The following NR3C2 variants were observed in gnomAD, a reference collection of about 807,000 sequenced individuals.
NR3C2 encodes the protein nuclear receptor subfamily 3 group C member 2.
A neutral mutation model predicts 86.4 loss-of-function variants in NR3C2; 15 were observed. The observed-to-expected ratio is 0.17, with a 90% CI of 0.12 to 0.27. The LOEUF is 0.27. NR3C2 is among the 10% of genes least tolerant of loss of function. The pLI is 1.00. For synonymous variants in NR3C2, 458 were observed against 450.5 expected (o/e 1.02, Z -0.21); for missense variants, 960 against 1,195.6 (o/e 0.80, Z 2.91).
chr4:148,287,702 G>A (rs1741592952), intron 2 of NR3C2, among the ~76,000 whole-genome samples: 1 of 152,038 alleles, frequency 6.6e-6, no homozygotes, highest in Non-Finnish European at 1.5e-5. Flanking sequence ...AGTTCTAGTA[G>A]GAAATATGTC....
intron 3 of NR3C2, among the ~76,000 whole-genome samples, chr4:148,215,931 C>G (rs765674371): frequency 6.6e-6 from 1 of 151,982 alleles, no homozygotes; most frequent in Non-Finnish European, 1.5e-5. Context: ...AGGCGCCCAC[C>G]ACCACGCCTA....
chr4:148,201,794 A>T (rs1260419603), intron 3 of NR3C2, among the ~76,000 whole-genome samples: 1 of 151,756 alleles, frequency 6.6e-6, no homozygotes, highest in African/African-American at 2.4e-5. Flanking sequence ...AGATCCATAT[A>T]CCCCCTTCAA....
rs752214825 is a variant in NR3C2, at chr4:148,080,905, A to G, written c.*439T>C. The G allele has an allele frequency of 2.9e-6, 1 of 348,534 alleles. No homozygotes were observed. The highest frequency in any genetic ancestry group is 7.7e-5 in the East Asian group (1 of 12,972). 21.6% of individuals were successfully genotyped at this position (348,534 alleles called of 1,614,324 possible). A position where few individuals can be genotyped will look rare whatever the true frequency, so the allele number is the denominator to read the frequency against. On this transcript the variant is annotated 3_prime_UTR_variant, in exon 9 of 9. Transcript: ENST00000358102. Reference sequence around the variant, plus strand: ...TTTTGTGTTTTTTTAATAACAAAAGAATATTAATGCCCCATATTGACTATA... The same window carrying G: ...TTTTGTGTTTTTTTAATAACAAAAGGATATTAATGCCCCATATTGACTATA...
chr4:148,098,298 T>C (rs1306467478), intron 8 of NR3C2, among the ~76,000 whole-genome samples: 1 of 152,218 alleles, frequency 6.6e-6, no homozygotes, highest in East Asian at 1.9e-4. Context: ...TTCCCTAACA[T>C]TGAACTCATG....
intron 8 of NR3C2, among the ~76,000 whole-genome samples, chr4:148,100,030 A>G (rs1731464659): frequency 6.6e-6 from 1 of 152,240 alleles, no homozygotes; most frequent in Non-Finnish European, 1.5e-5. Context: ...TTACTTGCTT[A>G]TAAGTCTTCA....
intron 2 of NR3C2, among the ~76,000 whole-genome samples, chr4:148,278,740 CTTAATT>C (rs1183243005): frequency 1.3e-5 from 2 of 152,084 alleles, no homozygotes; most frequent in Admixed American, 1.3e-4. Context: ...GTACTAGATT[CTTAATT>C]TTAAAACACA....
intron 3 of NR3C2, among the ~76,000 whole-genome samples, chr4:148,226,293 A>G (rs1738158526): frequency 1.3e-5 from 2 of 152,160 alleles, no homozygotes; most frequent in Admixed American, 6.5e-5. Flanking sequence ...GCCCACCACT[A>G]GGAAACTACT....
intron 6 of NR3C2, among the ~76,000 whole-genome samples, chr4:148,140,087 G>A (rs918566181): frequency 6.6e-6 from 1 of 152,170 alleles, no homozygotes; most frequent in Non-Finnish European, 1.5e-5. Context: ...CTGTGTCAAG[G>A]GGGGAGTCTG....
chr4:148,214,447 T>C (rs2149819852), intron 3 of NR3C2, among the ~76,000 whole-genome samples: 1 of 152,250 alleles, frequency 6.6e-6, no homozygotes, highest in Non-Finnish European at 1.5e-5. Context: ...CTTTTCAACC[T>C]AAAAACAAAA....
chr4:148,286,147 A>G (rs1303623771), intron 2 of NR3C2, among the ~76,000 whole-genome samples: 2 of 152,216 alleles, frequency 1.3e-5, no homozygotes, highest in Non-Finnish European at 2.9e-5. Flanking sequence ...TGTGTGGCAC[A>G]AATCATTTTG....
In NR3C2 at chr4:148,328,501, C is replaced by T. The variant is rs192211270; in HGVS notation, c.1758-68384G>A. ...CCTTGGTCTTCCCCTGCCAAAGAAACAGAAATGGTAACCAACTCAGGTTGG... is the reference window on the plus strand; with the variant it reads ...CCTTGGTCTTCCCCTGCCAAAGAAATAGAAATGGTAACCAACTCAGGTTGG... On this transcript the variant is annotated intron_variant, in intron 2 of 8. Transcript: ENST00000358102. Among the ~76,000 whole-genome samples, 149 of 152,266 alleles carry T rather than the reference C, an allele frequency of 9.8e-4. 1 individual carries two copies. The highest frequency in any genetic ancestry group is 3.3e-3 in the African/African-American group (136 of 41,556).
chr4:148,098,605 C>G (rs778544085), intron 8 of NR3C2, among the ~76,000 whole-genome samples: 16 of 152,208 alleles, frequency 1.1e-4, no homozygotes, highest in Non-Finnish European at 1.8e-4. Context: ...GCATTTTTCA[C>G]TGCTCTGCAC....
intron 2 of NR3C2, among the ~76,000 whole-genome samples, chr4:148,363,321 TTTTCTTTCTAGTCAGAA>T (rs776540895): frequency 1.8e-4 from 28 of 152,136 alleles, no homozygotes; most frequent in Admixed American, 3.9e-4. Context: ...CAAAGTCCTG[TTTTCTTTCTAGTCAGAA>T]TTTGGACCTG....
chr4:148,291,043 A>G (rs1741774647), intron 2 of NR3C2, among the ~76,000 whole-genome samples: 1 of 152,116 alleles, frequency 6.6e-6, no homozygotes, highest in African/African-American at 2.4e-5. Flanking sequence ...ACAACCATAT[A>G]AGTGAATTAG....
At chr4:148,267,716 T>C (rs901056159) in intron 2 of NR3C2, among the ~76,000 whole-genome samples, 4 of 152,196 alleles carry the variant, frequency 2.6e-5, no homozygotes, top group African/African-American at 7.2e-5. Context: ...TAAATAATTA[T>C]TGAGATTCAA....
intron 2 of NR3C2, among the ~76,000 whole-genome samples, chr4:148,415,376 T>C (rs1437959544): frequency 1.3e-5 from 2 of 152,240 alleles, no homozygotes; most frequent in African/African-American, 4.8e-5. Context: ...CTAATAGCTC[T>C]TTAAAGTTGC....
chr4:148,379,804 C>T (rs1472074018), intron 2 of NR3C2, among the ~76,000 whole-genome samples: 1 of 151,838 alleles, frequency 6.6e-6, no homozygotes, highest in Non-Finnish European at 1.5e-5. Flanking sequence ...TAACATTAAA[C>T]CTGGCCTCTG....
At chr4:148,130,814 G>GTTTTTTTTTTTTTTTT (rs1193845630) in intron 6 of NR3C2, among the ~76,000 whole-genome samples, 51 of 77,058 alleles carry the variant, frequency 6.6e-4, no homozygotes, top group Non-Finnish European at 9.9e-4. Context: ...GTTTTGTTTT[G>GTTTTTTTTTTTTTTTT]TTTTGTTTTT....
chr4:148,201,104 G>A (rs1736697854), intron 3 of NR3C2: 1 of 152,166 alleles, frequency 6.6e-6, no homozygotes, highest in South Asian at 2.1e-4. Flanking sequence ...TTAGGGCCCT[G>A]GGCCTCTTCA....
Sources: gnomAD v4.1 joint callset for allele counts (sites outside exome capture counted in the v4.1 genomes callset) on GRCh38, gnomAD v4.1.1 for gene constraint, MANE v1.5 for transcripts, NCBI Gene and HGNC (gene_info 2026-07-23, HGNC 2026-07-21) for gene names.